The following PLSCR4 variants were observed in gnomAD, a reference collection of about 807,000 sequenced individuals.
PLSCR4 encodes the protein Ca(2+)-dependent phospholipid scramblase 4.
Under a neutral mutation model 36.3 loss-of-function variants are expected in PLSCR4, and 25 were observed. That is an observed-to-expected ratio of 0.69 (90% confidence interval 0.50 to 0.96). The LOEUF (loss-of-function observed/expected upper bound fraction) is 0.96. PLSCR4 is among the 40% of genes least tolerant of loss of function. The probability of loss-of-function intolerance (pLI) is 0.00; values close to 1 mark genes in which losing one functional copy is unlikely to be tolerated. For synonymous variants in PLSCR4, 122 were observed against 132.9 expected, an observed-to-expected ratio of 0.92 and a Z score of 0.56; for missense variants, 408 against 414.7, an observed-to-expected ratio of 0.98 and a Z score of 0.14.
intron 3 of PLSCR4, among the ~76,000 whole-genome samples, chr3:146,217,006 T>C (rs3792338): frequency 0.74 from 111,668 of 151,886 alleles, 41,400 homozygotes; most frequent in South Asian, 0.8. Flanking sequence ...AACAAGGCCA[T>C]GAGATAAATC....
chr3:146,195,168 C>G lies in PLSCR4; in HGVS notation c.901G>C (p.Asp301His), dbSNP rs1301166832. The G allele has an allele frequency of 6.2e-7, 1 of 1,613,938 alleles. No homozygotes were observed. Among genetic ancestry groups the G allele is most frequent in the Admixed American group, 1.7e-5 (1 of 60,004 alleles). The part of the protein sequence containing the change: ...HFDIHFPLDL[D>H]VKMKAMIFGA... The stretch of plus-strand genomic sequence containing the variant: ...AAAATCATGGCTTTCATCTTCACAT[C>G]CAGGTCTAGTGGGAAGTGAATGTCA... Residue 301 changes from aspartate to histidine, a missense_variant, in exon 8 of 9, where the codon GAT becomes CAT. By Grantham distance (81) the Asp-to-His change is moderately conservative. Coordinates refer to ENST00000354952, the MANE Select transcript of PLSCR4 (RefSeq NM_020353.3).
intron 1 of PLSCR4, among the ~76,000 whole-genome samples, chr3:146,238,283 G>A (rs954656502): frequency 4.0e-5 from 6 of 150,764 alleles, no homozygotes; most frequent in African/African-American, 9.7e-5. Context: ...TCAACCCTTC[G>A]CAAACTCTTC....
chr3:146,200,157 A>G, intron 5 of PLSCR4, 118 bp from the exon 6 acceptor site: 5 of 633,792 alleles, frequency 7.9e-6, no homozygotes, highest in Non-Finnish European at 1.4e-5. Flanking sequence ...TTTCAGGTGA[A>G]ATATGTAGAA....
At position 146,231,256 on chromosome 3, in the gene PLSCR4, T is replaced by C. The variant is rs1337461009; in HGVS notation, c.-21-9164A>G. Among the ~76,000 whole-genome samples the C allele has an allele frequency of 2.6e-5, 4 of 152,342 alleles. No individual in the cohort carries two copies. In the East Asian group the frequency reaches 7.7e-4, roughly 29 times the overall value. On this transcript the variant is annotated intron_variant, in intron 1 of 8. Transcript: ENST00000354952. ...GAGTATATGTACCATATATTCTTTA[T>C]CCAGTACATCACTGATGGGCAACTA...
intron 8 of PLSCR4, among the ~76,000 whole-genome samples, chr3:146,194,921 G>A (rs2033633883): frequency 6.6e-6 from 1 of 152,116 alleles, no homozygotes; most frequent in Non-Finnish European, 1.5e-5. Context: ...TCATAACCCT[G>A]AAAATTATAA....
chr3:146,201,728 G>T (rs548327400), intron 4 of PLSCR4, among the ~76,000 whole-genome samples: 14 of 152,058 alleles, frequency 9.2e-5, no homozygotes, highest in Non-Finnish European at 1.9e-4. Flanking sequence ...AGGAAACATT[G>T]TTAGATGGCA....
chr3:146,196,471 C>T (rs989753395), intron 7 of PLSCR4, 161 bp downstream of exon 7: 1 of 668,760 alleles, frequency 1.5e-6, no homozygotes, highest in Non-Finnish European at 2.5e-6. Context: ...AATCTACTCA[C>T]AATAACTTTA....
At chr3:146,202,851 T>G (rs1219035242) in intron 4 of PLSCR4, among the ~76,000 whole-genome samples, 1 of 152,062 alleles carries the variant, frequency 6.6e-6, no homozygotes, top group South Asian at 2.1e-4. Context: ...GGAAGCACTT[T>G]CTTTGCTTAT....
Position 146,196,838 on chromosome 3 carries a change from A to C in PLSCR4, c.625-45T>G, listed in dbSNP as rs776390502. The C allele has an allele frequency of 2.0e-6, 3 of 1,530,594 alleles. No homozygotes were observed. The South Asian group carries it at 3.4e-5, about 17-fold the overall frequency. 94.8% of individuals were successfully genotyped at this position (1,530,594 alleles called of 1,614,324 possible). A position where few individuals can be genotyped will look rare whatever the true frequency, so the allele number is the denominator to read the frequency against. ...AGAAGTTAGGATGCTACATGCATACACATACACTTACACATACGCACATAC... is the reference window on the plus strand; with the variant it reads ...AGAAGTTAGGATGCTACATGCATACCCATACACTTACACATACGCACATAC... On this transcript the variant is annotated intron_variant, in intron 6 of 8. Transcript: ENST00000354952.
chr3:146,199,723 GA>G, intron 6 of PLSCR4, 89 bp downstream of exon 6: 3 of 1,067,590 alleles, frequency 2.8e-6, no homozygotes, highest in Non-Finnish European at 4.2e-6. Context: ...CAGGGCCAGG[GA>G]ATATCCTCCC....
At position 146,201,069 on chromosome 3, in the gene PLSCR4, G is replaced by GT. The variant is rs2034023911; in HGVS notation, c.362dup (p.Asn121LysfsTer9). 6.4e-7 allele frequency: 1 copy of GT among 1,551,108 alleles called. No individual in the cohort carries two copies. The highest frequency in any genetic ancestry group is 8.7e-7 in the Non-Finnish European group (1 of 1,155,812). The stretch of plus-strand genomic sequence containing the variant: ...GCTCAAAATGCTGAAGAACATGTAT[G>GT]TTGTCCAACTGTTGGGATAAAACAA... On this transcript the variant is annotated frameshift_variant, in exon 5 of 9. Transcript: ENST00000354952. LOFTEE classifies it high-confidence loss of function.
intron 1 of PLSCR4, among the ~76,000 whole-genome samples, chr3:146,230,096 G>C (rs888463490): frequency 6.6e-6 from 1 of 152,102 alleles, no homozygotes; most frequent in Non-Finnish European, 1.5e-5. Context: ...CTGAAGTGAA[G>C]GCAGTCTTGT....
intron 1 of PLSCR4, among the ~76,000 whole-genome samples, chr3:146,236,097 A>C (rs2035903366): frequency 6.6e-6 from 1 of 152,186 alleles, no homozygotes; most frequent in Admixed American, 6.5e-5. Flanking sequence ...GTGGTAGAAA[A>C]AAAAACCATT....
At chr3:146,206,916 A>G (rs1294900175) in intron 3 of PLSCR4, among the ~76,000 whole-genome samples, 155 bp from the exon 4 acceptor site, 1 of 152,150 alleles carries the variant, frequency 6.6e-6, no homozygotes, top group Non-Finnish European at 1.5e-5. Flanking sequence ...GTTGCATATG[A>G]CCCAACGATG....
intron 1 of PLSCR4, among the ~76,000 whole-genome samples, chr3:146,241,583 T>C (rs1318127963): frequency 2.0e-5 from 3 of 151,866 alleles, no homozygotes; most frequent in Admixed American, 2.0e-4. Flanking sequence ...GTTGAGGACT[T>C]TTACACTCCA....
intron 4 of PLSCR4, 127 bp from the exon 5 acceptor site, chr3:146,201,204 T>C (rs907036825): frequency 6.8e-6 from 4 of 589,048 alleles, no homozygotes; most frequent in East Asian, 3.4e-5. Flanking sequence ...TGAAAGTCAA[T>C]AGAATCAAAA....
intron 3 of PLSCR4, among the ~76,000 whole-genome samples, chr3:146,212,777 CCT>C (rs1479455093): frequency 6.6e-6 from 1 of 151,980 alleles, no homozygotes; most frequent in Non-Finnish European, 1.5e-5. Context: ...AGAAAGATAC[CCT>C]GTCTCATTCT....
chr3:146,233,912 G>C (rs1242988410), intron 1 of PLSCR4, among the ~76,000 whole-genome samples: 1 of 152,080 alleles, frequency 6.6e-6, no homozygotes, highest in African/African-American at 2.4e-5. Flanking sequence ...CCTATAATGG[G>C]AAAGTAGGCT....
intron 6 of PLSCR4, 96 bp downstream of exon 6, chr3:146,199,717 G>A (rs752676978): frequency 6.2e-5 from 62 of 997,226 alleles, no homozygotes; most frequent in Non-Finnish European, 8.6e-5. Context: ...GGCTGGCAGG[G>A]CCAGGGAATA....
Sources: allele counts gnomAD v4.1 joint callset (sites outside exome capture counted in the v4.1 genomes callset), GRCh38; gene constraint gnomAD v4.1.1; transcripts MANE v1.5; gene names NCBI Gene and HGNC (gene_info 2026-07-23, HGNC 2026-07-21).